SLCO1B1: variants seen among roughly 807,000 people sequenced by gnomAD.
The protein encoded by SLCO1B1 is OATP-2.
In SLCO1B1, 81 loss-of-function variants were observed where a neutral mutation model predicts 70.1. That is an observed-to-expected ratio of 1.16 (90% CI 0.97 to 1.39). The LOEUF (loss-of-function observed/expected upper bound fraction) is 1.39, where lower values mean the gene tolerates loss of function less well. Ranked by LOEUF, SLCO1B1 falls within the 40% of genes most tolerant of loss-of-function variation. The pLI is 0.00. For synonymous variants in SLCO1B1, 283 were observed against 271.5 expected, an observed-to-expected ratio of 1.04 and a Z score of -0.42; for missense variants, 895 against 799.6, an observed-to-expected ratio of 1.12 and a Z score of -1.44.
Position 21,176,843 on chromosome 12 carries a change from T to C in SLCO1B1, c.427T>C (p.Leu143=). 1 of 1,552,200 alleles carries C rather than the reference T, an allele frequency of 6.4e-7. No homozygotes were observed. The highest frequency in any genetic ancestry group is 1.7e-4 in the Middle Eastern group (1 of 5,914). ...TTCAACATCGACCTTATCCACTTGT[T>C]TAATTAATCAAATTTTATCACTCAA... ...ENSTSTLSTC[L]INQILSLNRA... The change falls in exon 5 of 15, where the codon TTA becomes CTA. Residue 143 remains leucine, a synonymous_variant. Transcript: ENST00000256958.
chr12:21,155,261 A>G lies in SLCO1B1; in HGVS notation c.84+13603A>G, dbSNP rs568939331. Among the ~76,000 whole-genome samples, 399 of 152,024 alleles carry G rather than the reference A, an allele frequency of 2.6e-3. 3 individuals are homozygous for G. The highest frequency in any genetic ancestry group is 0.01 in the Middle Eastern group (3 of 292). ...TTATGTATATCTTAACCTTTTACCTATATATGCTTTCAATGTTTTAAATGA... is the reference window on the plus strand; with the variant it reads ...TTATGTATATCTTAACCTTTTACCTGTATATGCTTTCAATGTTTTAAATGA... On this transcript the variant is annotated intron_variant, in intron 2 of 14. Coordinates refer to ENST00000256958, the MANE Select transcript of SLCO1B1 (RefSeq NM_006446.5).
In SLCO1B1 at chr12:21,174,605, T is replaced by C. The variant is rs71581978; in HGVS notation, c.255T>C (p.Ser85=). The change falls in exon 4 of 15, where the codon AGT becomes AGC. Residue 85 remains serine, a synonymous_variant. Coordinates refer to ENST00000256958, the MANE Select transcript of SLCO1B1 (RefSeq NM_006446.5). The part of the protein sequence containing the change: ...IGNLLVIVFV[S]YFGSKLHRPK... The stretch of plus-strand genomic sequence containing the variant: ...ATTTGCTTGTGATTGTATTTGTGAG[T>C]TACTTTGGATCCAAACTACATAGAC... The C allele has an allele frequency of 6.2e-7, 1 of 1,613,548 alleles. No individual in the cohort carries two copies. The highest frequency in any genetic ancestry group is 8.5e-7 in the Non-Finnish European group (1 of 1,179,668).
intron 11 of SLCO1B1, among the ~76,000 whole-genome samples, chr12:21,216,916 T>C (rs1435121790): frequency 6.6e-6 from 1 of 152,196 alleles, no homozygotes; most frequent in Non-Finnish European, 1.5e-5. Context: ...ATGTCAATCA[T>C]GAATTACATT....
At chr12:21,228,411 G>C (rs1941501781) in intron 14 of SLCO1B1, among the ~76,000 whole-genome samples, 1 of 152,132 alleles carries the variant, frequency 6.6e-6, no homozygotes, top group South Asian at 2.1e-4. Context: ...TAAGTAAGCT[G>C]TTGTCTGTTT....
chr12:21,174,554 A>G, intron 3 of SLCO1B1, 23 bp from the exon 4 acceptor site: 2 of 1,611,612 alleles, frequency 1.2e-6, no homozygotes, highest in Non-Finnish European at 1.7e-6. Flanking sequence ...AGCTGTATCA[A>G]CATAATTTTG....
At chr12:21,148,669 G>A (rs1263566523) in intron 2 of SLCO1B1, among the ~76,000 whole-genome samples, 1 of 135,052 alleles carries the variant, frequency 7.4e-6, no homozygotes, top group Non-Finnish European at 1.6e-5. Flanking sequence ...TGTTCTTTTT[G>A]CTTAGGATTG....
chr12:21,180,603 A>G (rs1940883503), intron 7 of SLCO1B1, among the ~76,000 whole-genome samples: 1 of 152,202 alleles, frequency 6.6e-6, no homozygotes, highest in Non-Finnish European at 1.5e-5. Context: ...ATTCATTTCC[A>G]AGATGGGATA....
chr12:21,140,516 T>A (rs1940293759), intron 1 of SLCO1B1, among the ~76,000 whole-genome samples: 1 of 152,026 alleles, frequency 6.6e-6, no homozygotes, highest in Admixed American at 6.6e-5. Context: ...TTGTTGAATT[T>A]ATTCTGCAGA....
chr12:21,169,994 T>C (rs1940737312), intron 2 of SLCO1B1, among the ~76,000 whole-genome samples: 1 of 152,176 alleles, frequency 6.6e-6, no homozygotes, highest in Non-Finnish European at 1.5e-5. Context: ...AAAAGGTTTG[T>C]TGGTTTCTAT....
chr12:21,143,295 T>C (rs1940336368), intron 2 of SLCO1B1, among the ~76,000 whole-genome samples: 2 of 152,074 alleles, frequency 1.3e-5, no homozygotes. Context: ...TGAAAATATA[T>C]TGACTTTTAC....
At chr12:21,168,778 A>G (rs1940723308) in intron 2 of SLCO1B1, among the ~76,000 whole-genome samples, 1 of 152,170 alleles carries the variant, frequency 6.6e-6, no homozygotes, top group African/African-American at 2.4e-5. Flanking sequence ...TATTCTAGAT[A>G]TTAACTCCTC....
At position 21,174,670 on chromosome 12, in the gene SLCO1B1, G is replaced by A; in HGVS notation, c.320G>A (p.Gly107Glu). Reference protein sequence around the residue: ...IGIGCFIMGIGGVLTALPHFF... With the variant: ...IGIGCFIMGIEGVLTALPHFF... ...ATCGGTTGTTTCATTATGGGAATTG[G>A]AGGTGTTTTGACTGCTTTGCCACAT... The change falls in exon 4 of 15, where the codon GGA becomes GAA. Residue 107 changes from glycine to glutamate, a missense_variant. Coordinates refer to ENST00000256958, the MANE Select transcript of SLCO1B1 (RefSeq NM_006446.5). The A allele has an allele frequency of 1.9e-6, 3 of 1,612,862 alleles. No homozygotes were observed. Among genetic ancestry groups the A allele is most frequent in the Non-Finnish European group, 2.5e-6 (3 of 1,179,670 alleles).
intron 2 of SLCO1B1, among the ~76,000 whole-genome samples, chr12:21,150,182 C>A (rs967069549): frequency 2.0e-5 from 3 of 152,146 alleles, no homozygotes; most frequent in Admixed American, 1.3e-4. Flanking sequence ...TAAAGAAAGG[C>A]AGCAGCCCCA....
chr12:21,136,204 T>A (rs1448953186), intron 1 of SLCO1B1, among the ~76,000 whole-genome samples: 1 of 152,218 alleles, frequency 6.6e-6, no homozygotes, highest in Admixed American at 6.5e-5. Context: ...AGATCAGCTG[T>A]TAGTCTGATG....
chr12:21,133,383 C>T (rs528663661), intron 1 of SLCO1B1, among the ~76,000 whole-genome samples: 1 of 152,192 alleles, frequency 6.6e-6, no homozygotes, highest in Admixed American at 6.5e-5. Flanking sequence ...TCATTGGTAG[C>T]TTGATGGGGA....
At chr12:21,192,152 T>A (rs1941036201) in intron 7 of SLCO1B1, among the ~76,000 whole-genome samples, 1 of 152,048 alleles carries the variant, frequency 6.6e-6, no homozygotes, top group Admixed American at 6.6e-5. Context: ...TGTTCTCTTC[T>A]CTTCAATTTT....
chr12:21,188,444 CAT>C lies in SLCO1B1; in HGVS notation c.728-8501_728-8500del, dbSNP rs368325087. Among the ~76,000 whole-genome samples the C allele has an allele frequency of 2.7e-3, 414 of 152,136 alleles. 1 individual carries two copies. Among genetic ancestry groups the C allele is most frequent in the African/African-American group, 8.9e-3 (371 of 41,506 alleles). The stretch of plus-strand genomic sequence containing the variant: ...TATATAATACATATAACATACAAAA[CAT>C]GTGTTAATCAACTGTTTATGTTATT... On this transcript the variant is annotated intron_variant, in intron 7 of 14. Coordinates refer to ENST00000256958, the MANE Select transcript of SLCO1B1 (RefSeq NM_006446.5).
In SLCO1B1 at chr12:21,161,427, C is replaced by T. The variant is rs563337129; in HGVS notation, c.85-11223C>T. Among the ~76,000 whole-genome samples the T allele has an allele frequency of 6.6e-5, 10 of 152,238 alleles. No homozygotes were observed. In the South Asian group the frequency reaches 2.1e-3, roughly 32 times the overall value. ...CACAGGAAGAGAAAACCAAATACTT[C>T]ATGTTCTCACTTATAAGTGGGAGCT... On this transcript the variant is annotated intron_variant, in intron 2 of 14. Coordinates refer to ENST00000256958, the MANE Select transcript of SLCO1B1 (RefSeq NM_006446.5).
At chr12:21,231,715 CAT>C (rs1406865282) in intron 14 of SLCO1B1, among the ~76,000 whole-genome samples, 1 of 151,326 alleles carries the variant, frequency 6.6e-6, no homozygotes, top group Admixed American at 6.6e-5. Flanking sequence ...GCTATATATA[CAT>C]GTATATATGT....
Sources: allele counts gnomAD v4.1 joint callset (sites outside exome capture counted in the v4.1 genomes callset), GRCh38; gene constraint gnomAD v4.1.1; transcripts MANE v1.5; gene names NCBI Gene and HGNC (gene_info 2026-07-23, HGNC 2026-07-21).